Variants in P4HA2 observed in about 807,000 individuals in gnomAD.
The protein encoded by P4HA2 is prolyl 4-hydroxylase subunit alpha-2.
P4HA2 carries 46 observed loss-of-function variants against 76.9 expected under a neutral mutation model. The observed-to-expected ratio is 0.60, with a 90% CI of 0.47 to 0.76. The LOEUF (loss-of-function observed/expected upper bound fraction) is 0.76, where lower values mean the gene tolerates loss of function less well. Ranked by LOEUF, P4HA2 falls within the 30% of genes least tolerant of loss-of-function variation. The pLI, the probability that P4HA2 is intolerant of heterozygous loss-of-function variation, is 0.00. For synonymous variants in P4HA2, 243 were observed against 254.0 expected (o/e 0.96, Z 0.41); for missense variants, 583 against 669.4 (o/e 0.87, Z 1.42).
chr5:132,217,893 A>G lies in P4HA2; in HGVS notation c.83-45T>C, dbSNP rs1485027710. 12 of 1,172,152 alleles carry G rather than the reference A, an allele frequency of 1.0e-5. No homozygotes were observed. In the Admixed American group the frequency reaches 1.5e-4, roughly 14 times the overall value. 72.6% of individuals were successfully genotyped at this position (1,172,152 alleles called of 1,614,324 possible). A position where few individuals can be genotyped will look rare whatever the true frequency, so the allele number is the denominator to read the frequency against. The stretch of plus-strand genomic sequence containing the variant: ...GACACCAGTGAGAAACAGATGAGGG[A>G]TGTCCAGCCTCCTTCCTTGGGGCAC... On this transcript the variant is annotated intron_variant, in intron 2 of 14. Transcript: ENST00000360568.
At position 132,219,109 on chromosome 5, in the gene P4HA2, A is replaced by G. The variant is rs144221978; in HGVS notation, c.-18-465T>C. Among the ~76,000 whole-genome samples the G allele has an allele frequency of 1.9e-4, 29 of 152,350 alleles. No homozygotes were observed. The East Asian group carries it at 4.4e-3, about 23-fold the overall frequency. On this transcript the variant is annotated intron_variant, in intron 1 of 14. Transcript: ENST00000360568. ...AGGAGGCAACAGTACATGAGAGACAATAACAGAAAGATAATTTGACACAAT... is the reference window on the plus strand; with the variant it reads ...AGGAGGCAACAGTACATGAGAGACAGTAACAGAAAGATAATTTGACACAAT...
intron 6 of P4HA2, among the ~76,000 whole-genome samples, chr5:132,210,009 G>A (rs911918502): frequency 2.6e-5 from 4 of 152,198 alleles, no homozygotes; most frequent in African/African-American, 4.8e-5. Context: ...CATGGTGACA[G>A]ATACACCATA....
At position 132,203,798 on chromosome 5, in the gene P4HA2, G is replaced by A. The variant is rs202073046; in HGVS notation, c.1201C>T (p.Arg401Trp). 6.2e-6 allele frequency: 10 copies of A among 1,613,656 alleles called. No homozygotes were observed. Among genetic ancestry groups the A allele is most frequent in the Admixed American group, 1.7e-5 (1 of 60,010 alleles). The change falls in exon 10 of 15, where the codon CGG becomes TGG. Residue 401 changes from arginine to tryptophan, a missense_variant. Arg to Trp is a moderately radical substitution (Grantham distance 101, BLOSUM62 -3). Transcript: ENST00000360568. ...GTTAACCCTGTGATATGCTGCATCC[G>A]ACGATTTACTCGGGCCACAACAGGG... ...DDPVVARVNR[R>W]MQHITGLTVK...
intron 5 of P4HA2, among the ~76,000 whole-genome samples, chr5:132,212,356 TA>T (rs1329034806): frequency 1.3e-5 from 2 of 152,174 alleles, no homozygotes; most frequent in African/African-American, 4.8e-5. Context: ...GTCAGAATGG[TA>T]TTTTGATAAT....
At chr5:132,221,174 G>T (rs1417551255) in intron 1 of P4HA2, among the ~76,000 whole-genome samples, 3 of 152,232 alleles carry the variant, frequency 2.0e-5, no homozygotes, top group Non-Finnish European at 2.9e-5. Flanking sequence ...GTAGGTGAAA[G>T]TATGTGTACC....
chr5:132,199,792 C>G (rs1751225152), intron 10 of P4HA2: 1 of 152,254 alleles, frequency 6.6e-6, no homozygotes, highest in African/African-American at 2.4e-5. Flanking sequence ...ATAAAAACCT[C>G]TGGGGCTAGG....
intron 1 of P4HA2, among the ~76,000 whole-genome samples, chr5:132,226,285 C>T (rs765727087): frequency 6.6e-6 from 1 of 152,152 alleles, no homozygotes; most frequent in Admixed American, 6.5e-5. Context: ...TTTAAGAATG[C>T]CCCAAGCTAC....
chr5:132,211,404 G>T (rs1753064917), intron 5 of P4HA2, among the ~76,000 whole-genome samples: 1 of 152,144 alleles, frequency 6.6e-6, no homozygotes, highest in Non-Finnish European at 1.5e-5. Context: ...GGAAAGCAAG[G>T]AAGACTCCCC....
rs1749824273 is a variant in P4HA2 at position 132,190,653 on chromosome 5, T to C, written c.*2357A>G. Among the ~76,000 whole-genome samples the C allele has an allele frequency of 6.6e-6, 1 of 152,130 alleles. No homozygotes were observed. The highest frequency in any genetic ancestry group is 2.4e-5 in the African/African-American group (1 of 41,428). On this transcript the variant is annotated 3_prime_UTR_variant, in exon 15 of 15. Coordinates refer to ENST00000360568, the MANE Select transcript of P4HA2 (RefSeq NM_001017974.2). ...AACACAGGAAACATCCTCATGATCT[T>C]GGGGTATAGAAGGATTTCTCAAATA...
chr5:132,202,775 G>T (rs1751687678), intron 10 of P4HA2: 1 of 152,250 alleles, frequency 6.6e-6, no homozygotes, highest in Non-Finnish European at 1.5e-5. Context: ...AATAAAGGCA[G>T]GAAGCCAGGG....
intron 8 of P4HA2, among the ~76,000 whole-genome samples, chr5:132,204,372 C>T (rs1751924928): frequency 6.6e-6 from 1 of 152,148 alleles, no homozygotes; most frequent in Non-Finnish European, 1.5e-5. Context: ...TGGCTATTGC[C>T]CTGCTCGGTC....
chr5:132,220,898 C>A (rs1194422117), intron 1 of P4HA2, among the ~76,000 whole-genome samples: 1 of 152,222 alleles, frequency 6.6e-6, no homozygotes, highest in Non-Finnish European at 1.5e-5. Context: ...ATAACTAACT[C>A]TGCTAGCCTG....
chr5:132,200,523 T>G (rs1035776667), intron 10 of P4HA2: 23 of 153,410 alleles, frequency 1.5e-4, no homozygotes, highest in African/African-American at 5.3e-4. Context: ...AGTCAAGAGC[T>G]TGAAGAAAAT....
intron 12 of P4HA2, 164 bp from the exon 13 acceptor site, chr5:132,195,644 C>A: frequency 1.5e-6 from 1 of 650,762 alleles, no homozygotes. Context: ...AGGCTCTTCC[C>A]ATGCCTACTT....
intron 1 of P4HA2, among the ~76,000 whole-genome samples, chr5:132,220,836 GA>G (rs1754560880): frequency 6.6e-6 from 1 of 152,182 alleles, no homozygotes; most frequent in African/African-American, 2.4e-5. Context: ...GGTAATTACA[GA>G]TGACTTACCT....
rs1012187818 is a variant in P4HA2 at position 132,192,931 on chromosome 5, C to T, written c.*79G>A. ...TCTCCAAAAATCAGCCTGATAGGAACATACAAAGGAACATACAAAGGTGTC... is the reference window on the plus strand; with the variant it reads ...TCTCCAAAAATCAGCCTGATAGGAATATACAAAGGAACATACAAAGGTGTC... On this transcript the variant is annotated 3_prime_UTR_variant, in exon 15 of 15. Transcript: ENST00000360568. 1.7e-5 allele frequency: 16 copies of T among 914,616 alleles called. No individual in the cohort carries two copies. The South Asian group carries it at 2.0e-4, about 11-fold the overall frequency. The allele number at this position is 914,616 out of a possible 1,614,324, so 56.7% of individuals were successfully genotyped here.
intron 10 of P4HA2, chr5:132,200,018 T>G (rs544938881): frequency 4.6e-5 from 7 of 152,242 alleles, no homozygotes; most frequent in Admixed American, 1.3e-4. Flanking sequence ...CTGGGCAACA[T>G]AGCAAGACCC....
At position 132,206,514 on chromosome 5, in the gene P4HA2, G is replaced by T. The variant is rs187306294; in HGVS notation, c.1080+1194C>A. 2.0e-5 allele frequency among the ~76,000 whole-genome samples: 3 copies of T among 152,304 alleles called. No homozygotes were observed. The East Asian group carries it at 5.8e-4, about 29-fold the overall frequency. On this transcript the variant is annotated intron_variant, in intron 8 of 14. Coordinates refer to ENST00000360568, the MANE Select transcript of P4HA2 (RefSeq NM_001017974.2). ...CTCGGCCCCTACAATTCTATTAGGA[G>T]CAGAGCAATAGAGAATCGAGCTAAA...
At chr5:132,207,383 T>A (rs548830562) in intron 8 of P4HA2, among the ~76,000 whole-genome samples, 33 of 152,202 alleles carry the variant, frequency 2.2e-4, no homozygotes, top group Non-Finnish European at 3.2e-4. Context: ...CATAGCATCC[T>A]ATGGAACATT....
Sources: allele counts gnomAD v4.1 joint callset (sites outside exome capture counted in the v4.1 genomes callset), GRCh38; gene constraint gnomAD v4.1.1; transcripts MANE v1.5; gene names NCBI Gene and HGNC (gene_info 2026-07-23, HGNC 2026-07-21).